Variants in NRXN3 observed in about 807,000 individuals in gnomAD.
The protein encoded by NRXN3 is neurexin III.
In NRXN3, 32 loss-of-function variants were observed where a neutral mutation model predicts 137.6. That is an observed-to-expected ratio of 0.23 (90% confidence interval 0.18 to 0.31). The LOEUF is 0.31. Among genes scored for constraint, NRXN3 ranks in the 10% least tolerant of loss-of-function variants. The pLI is 1.00. For synonymous variants in NRXN3, 798 were observed against 784.5 expected, an observed-to-expected ratio of 1.02 and a Z score of -0.29; for missense variants, 1,574 against 2,062.5, an observed-to-expected ratio of 0.76 and a Z score of 4.59.
intron 16 of NRXN3, among the ~76,000 whole-genome samples, chr14:79,591,221 T>C (rs1207326518): frequency 1.3e-5 from 2 of 152,230 alleles, no homozygotes; most frequent in African/African-American, 4.8e-5. Flanking sequence ...GGAAACATAC[T>C]ATTCATGTAA....
intron 15 of NRXN3, among the ~76,000 whole-genome samples, chr14:79,096,953 G>A (rs1322608887): frequency 6.6e-6 from 1 of 151,844 alleles, no homozygotes; most frequent in East Asian, 1.9e-4. Context: ...ATAGTAATGA[G>A]AATCTCAGCC....
intron 10 of NRXN3, among the ~76,000 whole-genome samples, chr14:78,843,587 G>A (rs1311375542): frequency 6.6e-6 from 1 of 152,236 alleles, no homozygotes; most frequent in African/African-American, 2.4e-5. Context: ...ATCAGTGGCA[G>A]AATTTGCTTC....
chr14:78,536,798 G>A lies in NRXN3; in HGVS notation c.758-108322G>A, dbSNP rs1007209748. Among the ~76,000 whole-genome samples the A allele has an allele frequency of 4.2e-5, 5 of 119,752 alleles. No individual in the cohort carries two copies. In the Admixed American group the frequency reaches 5.3e-4, roughly 13 times the overall value. 78.6% of individuals were successfully genotyped at this position (119,752 alleles called of 152,430 possible). On this transcript the variant is annotated intron_variant, in intron 4 of 20. Coordinates refer to ENST00000335750, the MANE Select transcript of NRXN3 (RefSeq NM_001330195.2). Reference sequence around the variant, plus strand: ...CAGGCCCCAGTGTGTGATGTTCCCCGGCCTGTGTCCAAGTGAACTCAATGT... The same window carrying A: ...CAGGCCCCAGTGTGTGATGTTCCCCAGCCTGTGTCCAAGTGAACTCAATGT...
At chr14:79,125,542 T>C (rs1464155683) in intron 15 of NRXN3, among the ~76,000 whole-genome samples, 1 of 152,222 alleles carries the variant, frequency 6.6e-6, no homozygotes, top group Non-Finnish European at 1.5e-5. Flanking sequence ...AAGCACCTGC[T>C]TAGACAACTC....
intron 16 of NRXN3, chr14:79,633,283 C>T (rs1567727402): frequency 6.6e-6 from 1 of 152,086 alleles, no homozygotes; most frequent in Non-Finnish European, 1.5e-5. Flanking sequence ...CAGGTAAAAC[C>T]TTACCCATTT....
chr14:79,600,361 G>A (rs548077250), intron 16 of NRXN3, among the ~76,000 whole-genome samples: 46 of 152,310 alleles, frequency 3.0e-4, no homozygotes, highest in African/African-American at 1.1e-3. Flanking sequence ...CTGAATGGAA[G>A]AAAGTGTTTT....
At chr14:79,729,475 G>A (rs997302607) in intron 19 of NRXN3, among the ~76,000 whole-genome samples, 8 of 152,138 alleles carry the variant, frequency 5.3e-5, no homozygotes, top group Non-Finnish European at 1.0e-4. Context: ...TAGTTGGATG[G>A]CCATATACCT....
chr14:78,557,147 A>G (rs2096746462), intron 4 of NRXN3, among the ~76,000 whole-genome samples: 1 of 150,442 alleles, frequency 6.6e-6, no homozygotes, highest in African/African-American at 2.4e-5. Context: ...CAGGCTCAAG[A>G]AATCTTCCCA....
At chr14:78,512,147 C>A (rs2096121335) in intron 4 of NRXN3, among the ~76,000 whole-genome samples, 2 of 152,000 alleles carry the variant, frequency 1.3e-5, no homozygotes, top group African/African-American at 4.8e-5. Context: ...GATTCATGGC[C>A]AAGTCATCCA....
At chr14:78,953,717 G>A (rs549063293) in intron 10 of NRXN3, among the ~76,000 whole-genome samples, 1 of 152,192 alleles carries the variant, frequency 6.6e-6, no homozygotes, top group East Asian at 1.9e-4. Context: ...CTTAGATCCA[G>A]CAGTGATAGT....
rs528502246 is a variant in NRXN3, at chr14:79,508,390, A to ATTT, written c.3444+41002_3444+41004dup. Among the ~76,000 whole-genome samples, 44 of 48,228 alleles carry ATTT rather than the reference A, an allele frequency of 9.1e-4. 8 individuals are homozygous for ATTT. The South Asian group carries it at 0.015, about 17-fold the overall frequency. The allele number at this position is 48,228 out of a possible 152,430, so 31.6% of individuals were successfully genotyped here. On this transcript the variant is annotated intron_variant, in intron 16 of 20. Coordinates refer to ENST00000335750, the MANE Select transcript of NRXN3 (RefSeq NM_001330195.2). ...AATTTTCTTTATAAAACAATAACTG[A>ATTT]TTTTTTTTTTTTTTTTAAGACAGAG... is the stretch of plus-strand genomic sequence containing the variant.
At chr14:79,640,521 T>C (rs1042923993) in intron 16 of NRXN3, among the ~76,000 whole-genome samples, 2 of 135,696 alleles carry the variant, frequency 1.5e-5, no homozygotes, top group Non-Finnish European at 3.4e-5. Flanking sequence ...TCATTTTGCT[T>C]AAGTTTTAAA....
rs575891683 is a variant in NRXN3, at chr14:78,540,112, G to T, written c.758-105008G>T. Among the ~76,000 whole-genome samples, 28 of 152,320 alleles carry T rather than the reference G, an allele frequency of 1.8e-4. No individual in the cohort carries two copies. The South Asian group carries it at 5.8e-3, about 32-fold the overall frequency. On this transcript the variant is annotated intron_variant, in intron 4 of 20. Transcript: ENST00000335750. The stretch of plus-strand genomic sequence containing the variant: ...ATGTGGGGTGGAGAGTTCTGTAGAT[G>T]TCTATTAGTTCTGCTTGTTGCAGAG...
chr14:78,936,008 T>C (rs963268012), intron 10 of NRXN3, among the ~76,000 whole-genome samples: 2 of 152,244 alleles, frequency 1.3e-5, no homozygotes, highest in African/African-American at 4.8e-5. Context: ...CTTTTTCTGT[T>C]CTGGTCTTCA....
chr14:79,179,988 T>C (rs1436029329), intron 15 of NRXN3, among the ~76,000 whole-genome samples: 2 of 152,218 alleles, frequency 1.3e-5, no homozygotes, highest in Admixed American at 6.5e-5. Flanking sequence ...TTGTGAGGTA[T>C]TTAGTCCAAA....
chr14:78,755,190 ATTTTTTTT>A (rs34214778), intron 8 of NRXN3, among the ~76,000 whole-genome samples: 1 of 131,586 alleles, frequency 7.6e-6, no homozygotes, highest in Non-Finnish European at 1.7e-5. Flanking sequence ...TAGTTTTTGT[ATTTTTTTT>A]TTTTTTTTTT....
intron 14 of NRXN3, among the ~76,000 whole-genome samples, chr14:78,971,669 C>T (rs1483350736): frequency 2.6e-5 from 4 of 152,000 alleles, no homozygotes; most frequent in Admixed American, 2.6e-4. Context: ...GAGTTTCGCT[C>T]TTGTTGCCCA....
rs140337723 is a variant in NRXN3, at chr14:78,257,763, C to T, written c.709+13961C>T. On this transcript the variant is annotated intron_variant, in intron 2 of 20. Coordinates refer to ENST00000335750, the MANE Select transcript of NRXN3 (RefSeq NM_001330195.2). Reference sequence around the variant, plus strand: ...TTTTGGACATTATTTTTTCCACAACCGGGAACCATTGGAAGTTTTTCAGTT... The same window carrying T: ...TTTTGGACATTATTTTTTCCACAACTGGGAACCATTGGAAGTTTTTCAGTT... Among the ~76,000 whole-genome samples, 323 of 152,220 alleles carry T rather than the reference C, an allele frequency of 2.1e-3. 1 individual carries two copies. The highest frequency in any genetic ancestry group is 3.8e-3 in the Non-Finnish European group (261 of 68,012).
chr14:78,478,949 G>A (rs2095425747), intron 4 of NRXN3, among the ~76,000 whole-genome samples: 1 of 152,132 alleles, frequency 6.6e-6, no homozygotes, highest in South Asian at 2.1e-4. Flanking sequence ...TCTATGCAGA[G>A]ATGTGTTAGT....
Sources: allele counts gnomAD v4.1 joint callset (sites outside exome capture counted in the v4.1 genomes callset), GRCh38; gene constraint gnomAD v4.1.1; transcripts MANE v1.5; gene names NCBI Gene and HGNC (gene_info 2026-07-23, HGNC 2026-07-21).